The following MTDH variants were observed in gnomAD, a reference collection of about 807,000 sequenced individuals.
MTDH encodes the protein metadherin.
Under a neutral mutation model 72.7 loss-of-function variants are expected in MTDH, and 34 were observed. The observed-to-expected ratio is 0.47, with a 90% CI of 0.36 to 0.62. The LOEUF is 0.62. Among genes scored for constraint, MTDH ranks in the 20% least tolerant of loss-of-function variants. The pLI is 0.00. For missense variants in MTDH, 677 were observed against 699.4 expected, an observed-to-expected ratio of 0.97 and a Z score of 0.36; for synonymous variants, 266 against 268.9, an observed-to-expected ratio of 0.99 and a Z score of 0.10.
chr8:97,717,867 A>T (rs1057215582), intron 9 of MTDH, among the ~76,000 whole-genome samples: 1 of 151,946 alleles, frequency 6.6e-6, no homozygotes, highest in African/African-American at 2.4e-5. Flanking sequence ...ATCATGTATC[A>T]GCCTCCCAAG....
chr8:97,684,972 C>T (rs897428603), intron 2 of MTDH, among the ~76,000 whole-genome samples: 3 of 151,976 alleles, frequency 2.0e-5, no homozygotes, highest in Non-Finnish European at 4.4e-5. Flanking sequence ...AGGCTGAGGC[C>T]GGAGAATTGC....
intron 8 of MTDH, among the ~76,000 whole-genome samples, chr8:97,709,689 A>T (rs746418427): frequency 6.6e-6 from 1 of 152,244 alleles, no homozygotes; most frequent in African/African-American, 2.4e-5. Flanking sequence ...AACTTTTTAT[A>T]TGTGGATACA....
intron 8 of MTDH, among the ~76,000 whole-genome samples, chr8:97,709,736 AAGT>A (rs1814543463): frequency 6.6e-6 from 1 of 152,236 alleles, no homozygotes; most frequent in Non-Finnish European, 1.5e-5. Flanking sequence ...ATAGACACAG[AAGT>A]TGTTCACAAT....
intron 6 of MTDH, among the ~76,000 whole-genome samples, chr8:97,696,955 A>G (rs1813857939): frequency 6.6e-6 from 1 of 150,520 alleles, no homozygotes; most frequent in Non-Finnish European, 1.5e-5. Flanking sequence ...ATAAAGTTAA[A>G]GAAAAATTAG....
chr8:97,720,897 G>A (rs1240639276), intron 10 of MTDH, among the ~76,000 whole-genome samples: 8 of 151,452 alleles, frequency 5.3e-5, no homozygotes, highest in Middle Eastern at 3.4e-3. Context: ...CAAGTGATCC[G>A]CCTGCCTCAG....
intron 2 of MTDH, among the ~76,000 whole-genome samples, 180 bp downstream of exon 2, chr8:97,661,353 A>G (rs1812166677): frequency 6.6e-6 from 1 of 152,184 alleles, no homozygotes; most frequent in East Asian, 1.9e-4. Flanking sequence ...TTGTTTTTTT[A>G]AAGGAAAGTT....
chr8:97,683,045 C>CTT lies in MTDH; in HGVS notation c.484-3587_484-3586dup, dbSNP rs71271144. Among the ~76,000 whole-genome samples the CTT allele has an allele frequency of 2.5e-3, 111 of 44,384 alleles. 44 individuals are homozygous for CTT. The highest frequency in any genetic ancestry group is 3.5e-3 in the Non-Finnish European group (81 of 22,952). 29.1% of individuals were successfully genotyped at this position (44,384 alleles called of 152,430 possible). On this transcript the variant is annotated intron_variant, in intron 2 of 11. Transcript: ENST00000336273. ...CTTTACCCTATGATGCTCTTAGACACTTTTTTTTTTTTTTTTTTTTTTTTT... is the reference window on the plus strand; with the variant it reads ...CTTTACCCTATGATGCTCTTAGACACTTTTTTTTTTTTTTTTTTTTTTTTTTT...
intron 6 of MTDH, among the ~76,000 whole-genome samples, chr8:97,691,613 C>T (rs975571543): frequency 2.0e-5 from 3 of 151,950 alleles, no homozygotes; most frequent in African/African-American, 4.8e-5. Context: ...AATTTTCCTC[C>T]GGATTTTAAT....
rs1813410153 is a variant in MTDH at position 97,687,424 on chromosome 8, G to A, written c.569-5G>A. 2.5e-6 allele frequency: 4 copies of A among 1,585,056 alleles called. No individual in the cohort carries two copies. Among genetic ancestry groups the A allele is most frequent in the Non-Finnish European group, 8.6e-7 (1 of 1,166,276 alleles). ...AATAACATTTTTTTTCTGGGGCTAT[G>A]TCAGGAGCCTGGGAAACTAAAATTA... On this transcript the variant is annotated splice_region_variant and splice_polypyrimidine_tract_variant and intron_variant, in intron 3 of 11. Coordinates refer to ENST00000336273, the MANE Select transcript of MTDH (RefSeq NM_178812.4).
At chr8:97,647,347 C>A (rs1362907667) in intron 1 of MTDH, among the ~76,000 whole-genome samples, 1 of 152,072 alleles carries the variant, frequency 6.6e-6, no homozygotes, top group Non-Finnish European at 1.5e-5. Flanking sequence ...GGGTAGGAGT[C>A]CCCCAGGAAT....
At chr8:97,661,918 CAAAAAAA>C (rs11440340) in intron 2 of MTDH, among the ~76,000 whole-genome samples, 7 of 110,312 alleles carry the variant, frequency 6.3e-5, no homozygotes, top group South Asian at 2.8e-4. Context: ...GACCCTGTCT[CAAAAAAA>C]AAAAAAAAAG....
chr8:97,665,331 A>C (rs1429965099), intron 2 of MTDH, among the ~76,000 whole-genome samples: 1 of 152,134 alleles, frequency 6.6e-6, no homozygotes, highest in African/African-American at 2.4e-5. Flanking sequence ...CTAGGTCCTT[A>C]TTTGGGTTTG....
chr8:97,663,748 CAAAAAAA>C (rs36101443), intron 2 of MTDH, among the ~76,000 whole-genome samples: 4 of 85,972 alleles, frequency 4.7e-5, no homozygotes, highest in South Asian at 3.7e-4. Context: ...GACTCTGTCT[CAAAAAAA>C]AAAAAAAAAA....
intron 2 of MTDH, among the ~76,000 whole-genome samples, chr8:97,672,314 C>T (rs962149248): frequency 1.3e-5 from 2 of 152,080 alleles, no homozygotes. Flanking sequence ...CTTCCTGAAC[C>T]TATTAAATTC....
chr8:97,658,452 A>G (rs550623388), intron 1 of MTDH, among the ~76,000 whole-genome samples: 1 of 152,340 alleles, frequency 6.6e-6, no homozygotes, highest in South Asian at 2.1e-4. Flanking sequence ...GGGAGGCTAC[A>G]TCAATATTGT....
At chr8:97,722,833 T>A (rs1232451376) in intron 10 of MTDH, 46 bp from the exon 11 acceptor site, 1 of 1,560,164 alleles carries the variant, frequency 6.4e-7, no homozygotes, top group Non-Finnish European at 8.7e-7. Flanking sequence ...TAAACTTTAT[T>A]TGAAAATTTC....
chr8:97,709,418 A>C (rs111810673), intron 8 of MTDH, among the ~76,000 whole-genome samples: 35 of 152,350 alleles, frequency 2.3e-4, no homozygotes, highest in African/African-American at 7.5e-4. Flanking sequence ...AATAGAACCC[A>C]TGAATGGAAT....
At chr8:97,712,131 A>G (rs1313931870) in intron 8 of MTDH, among the ~76,000 whole-genome samples, 1 of 152,174 alleles carries the variant, frequency 6.6e-6, no homozygotes, top group Non-Finnish European at 1.5e-5. Flanking sequence ...TCCACCTCCC[A>G]GGTTCAAGCA....
intron 5 of MTDH, among the ~76,000 whole-genome samples, chr8:97,690,127 G>A (rs1184108743): frequency 2.6e-5 from 4 of 151,668 alleles, no homozygotes; most frequent in Non-Finnish European, 4.4e-5. Context: ...GAGTAGCTGG[G>A]ATTACAGGCA....
Sources: gnomAD v4.1 joint callset for allele counts (sites outside exome capture counted in the v4.1 genomes callset) on GRCh38, gnomAD v4.1.1 for gene constraint, MANE v1.5 for transcripts, NCBI Gene and HGNC (gene_info 2026-07-23, HGNC 2026-07-21) for gene names.